DPP10: variants seen among roughly 807,000 people sequenced by gnomAD.
DPP10 encodes dipeptidyl peptidase like 10, also known as inactive dipeptidyl peptidase 10.
DPP10 carries 33 observed loss-of-function variants against 120.9 expected under a neutral mutation model. The ratio of observed to expected loss-of-function variants is 0.27; its 90% CI spans 0.21 to 0.37. The LOEUF (loss-of-function observed/expected upper bound fraction) is 0.37. DPP10 is among the 10% of genes least tolerant of loss of function. The pLI is 1.00. For synonymous variants in DPP10, 337 were observed against 326.1 expected (o/e 1.03, Z -0.36); for missense variants, 816 against 942.8 (o/e 0.87, Z 1.76).
intron 3 of DPP10, among the ~76,000 whole-genome samples, chr2:115,430,780 C>G (rs536384662): frequency 6.6e-6 from 1 of 152,078 alleles, no homozygotes; most frequent in Admixed American, 6.6e-5. Context: ...GCACATTGCC[C>G]GCGTCCATAA....
At chr2:114,700,012 T>A (rs1700296063) in intron 1 of DPP10, among the ~76,000 whole-genome samples, 1 of 152,132 alleles carries the variant, frequency 6.6e-6, no homozygotes, top group East Asian at 1.9e-4. Context: ...AAGGCTGTAC[T>A]GATTCTGTGG....
intron 19 of DPP10, among the ~76,000 whole-genome samples, chr2:115,813,074 C>T (rs975872221): frequency 1.4e-5 from 2 of 141,858 alleles, no homozygotes; most frequent in East Asian, 2.1e-4. Flanking sequence ...CTCCGCTTCC[C>T]GGGTTCACGC....
intron 1 of DPP10, among the ~76,000 whole-genome samples, chr2:114,670,252 A>G (rs1184603599): frequency 2.0e-5 from 3 of 152,306 alleles, no homozygotes; most frequent in Admixed American, 2.0e-4. Context: ...TCACAATAGC[A>G]AAGACTTGGA....
intron 1 of DPP10, among the ~76,000 whole-genome samples, chr2:114,946,884 T>C (rs1044575299): frequency 1.3e-5 from 2 of 152,260 alleles, no homozygotes; most frequent in African/African-American, 2.4e-5. Context: ...CTTTAAATAT[T>C]TGGATTATTT....
At chr2:114,841,929 A>G (rs909273802) in intron 1 of DPP10, among the ~76,000 whole-genome samples, 1 of 152,106 alleles carries the variant, frequency 6.6e-6, no homozygotes, top group Non-Finnish European at 1.5e-5. Flanking sequence ...GTCTGACTCA[A>G]TGGTAAAGAA....
At chr2:114,656,358 C>T (rs935153595) in intron 1 of DPP10, among the ~76,000 whole-genome samples, 1 of 151,452 alleles carries the variant, frequency 6.6e-6, no homozygotes, top group Non-Finnish European at 1.5e-5. Context: ...CAAAGAAGGG[C>T]ATATATTTGT....
intron 11 of DPP10, among the ~76,000 whole-genome samples, chr2:115,754,433 C>T (rs1575685267): frequency 1.3e-5 from 2 of 152,076 alleles, no homozygotes; most frequent in African/African-American, 4.8e-5. Context: ...TACTTAGAGA[C>T]GTTAGAGTTC....
At chr2:115,751,346 G>T (rs1289729219) in intron 10 of DPP10, among the ~76,000 whole-genome samples, 2 of 152,150 alleles carry the variant, frequency 1.3e-5, no homozygotes, top group African/African-American at 4.8e-5. Context: ...AAGTGAACAG[G>T]ACACTGTTCT....
chr2:115,366,051 C>T (rs541457262), intron 3 of DPP10, among the ~76,000 whole-genome samples: 1 of 151,896 alleles, frequency 6.6e-6, no homozygotes, highest in Non-Finnish European at 1.5e-5. Flanking sequence ...AAAAAGGACA[C>T]CATCAGTGGT....
intron 5 of DPP10, among the ~76,000 whole-genome samples, chr2:115,620,474 A>G (rs1299881967): frequency 6.6e-6 from 1 of 152,176 alleles, no homozygotes; most frequent in African/African-American, 2.4e-5. Context: ...CAAAGGTCAA[A>G]TGTTATGGCT....
chr2:115,319,413 TGAG>T (rs1297393930), intron 2 of DPP10, among the ~76,000 whole-genome samples: 4 of 152,292 alleles, frequency 2.6e-5, no homozygotes, highest in African/African-American at 9.6e-5. Context: ...CCTCACAGAA[TGAG>T]ATAGTAATCT....
intron 1 of DPP10, among the ~76,000 whole-genome samples, chr2:114,538,068 G>A (rs1361373937): frequency 6.6e-6 from 1 of 152,174 alleles, no homozygotes; most frequent in African/African-American, 2.4e-5. Context: ...ATTTTCCCTG[G>A]CTAGCTGTTG....
chr2:115,489,553 G>T (rs534172344), intron 3 of DPP10, among the ~76,000 whole-genome samples: 1 of 149,976 alleles, frequency 6.7e-6, no homozygotes, highest in African/African-American at 2.4e-5. Flanking sequence ...CAAATAAAAG[G>T]CCATGCAAGG....
chr2:115,203,857 C>T (rs2055922755), intron 1 of DPP10, among the ~76,000 whole-genome samples: 1 of 151,968 alleles, frequency 6.6e-6, no homozygotes, highest in Admixed American at 6.6e-5. Context: ...AAATTCTTTC[C>T]CTCCATGGAG....
chr2:115,540,943 A>T (rs1193631038), intron 5 of DPP10, among the ~76,000 whole-genome samples: 1 of 151,816 alleles, frequency 6.6e-6, no homozygotes, highest in Non-Finnish European at 1.5e-5. Flanking sequence ...ATGCCATGAG[A>T]ACAATTAATG....
At chr2:115,654,631 C>T (rs1326775658) in intron 5 of DPP10, among the ~76,000 whole-genome samples, 1 of 149,370 alleles carries the variant, frequency 6.7e-6, no homozygotes, top group Non-Finnish European at 1.5e-5. Flanking sequence ...AAATAATATG[C>T]TTTAAGAAAT....
At chr2:115,561,146 C>T (rs1035015479) in intron 5 of DPP10, among the ~76,000 whole-genome samples, 2 of 151,926 alleles carry the variant, frequency 1.3e-5, no homozygotes, top group East Asian at 1.9e-4. Flanking sequence ...CTCAGGAGTT[C>T]GAGACCAGCC....
intron 5 of DPP10, among the ~76,000 whole-genome samples, chr2:115,674,903 T>G (rs1387288554): frequency 6.6e-6 from 1 of 152,198 alleles, no homozygotes; most frequent in East Asian, 1.9e-4. Context: ...AGTTCCATTC[T>G]CTCTTGAACA....
chr2:115,324,073 C>G (rs1023476131), intron 2 of DPP10, among the ~76,000 whole-genome samples: 1 of 152,008 alleles, frequency 6.6e-6, no homozygotes, highest in Middle Eastern at 3.2e-3. Context: ...CTAGATAGAT[C>G]AAGACCATGC....
Sources: allele counts gnomAD v4.1 joint callset (sites outside exome capture counted in the v4.1 genomes callset), GRCh38; gene constraint gnomAD v4.1.1; transcripts MANE v1.5; gene names NCBI Gene and HGNC (gene_info 2026-07-23, HGNC 2026-07-21).